LGMN: variants seen among roughly 807,000 people sequenced by gnomAD.
LGMN encodes legumain.
LGMN carries 36 observed loss-of-function variants against 56.8 expected under a neutral mutation model. The observed-to-expected ratio is 0.63, with a 90% CI of 0.49 to 0.84. The LOEUF (loss-of-function observed/expected upper bound fraction) is 0.84. Among genes scored for constraint, LGMN ranks in the 40% least tolerant of loss-of-function variants. The probability of loss-of-function intolerance (pLI) is 0.00; values close to 1 mark genes in which losing one functional copy is unlikely to be tolerated. For synonymous variants in LGMN, 199 were observed against 210.1 expected, an observed-to-expected ratio of 0.95 and a Z score of 0.46; for missense variants, 446 against 556.1, an observed-to-expected ratio of 0.80 and a Z score of 1.99.
chr14:92,737,381 A>G (rs112585286), intron 1 of LGMN, among the ~76,000 whole-genome samples: 2,855 of 152,220 alleles, frequency 0.019, 73 homozygotes, highest in African/African-American at 0.062. Context: ...AGACCAAAGC[A>G]TGCCCAATAC....
In LGMN at chr14:92,714,750, G is replaced by GA. The variant is rs1889978915; in HGVS notation, c.405-300_405-299insT. Among the ~76,000 whole-genome samples the GA allele has an allele frequency of 6.6e-6, 1 of 152,070 alleles. No individual in the cohort carries two copies. Among genetic ancestry groups the GA allele is most frequent in the Non-Finnish European group, 1.5e-5 (1 of 68,020 alleles). ...CAGACCTGGTGTGAGGTGGATAGTG[G>GA]GGTCCTTTGGCAATTGGGCCTCATC... is the stretch of plus-strand genomic sequence containing the variant. On this transcript the variant is annotated intron_variant, in intron 5 of 13. Coordinates refer to ENST00000334869, the MANE Select transcript of LGMN (RefSeq NM_005606.7). This position sits in a 1 kb window ranked among gnomAD's most constrained non-coding sequence, Gnocchi z 5.1.
intron 9 of LGMN, 21 bp from the exon 10 acceptor site, chr14:92,711,769 A>T (rs1194204852): frequency 6.2e-7 from 1 of 1,613,028 alleles, no homozygotes; most frequent in Non-Finnish European, 8.5e-7. Context: ...TGAGACCATT[A>T]GAGACCTTTG....
chr14:92,733,475 A>G (rs537485712), intron 1 of LGMN, among the ~76,000 whole-genome samples: 140 of 152,352 alleles, frequency 9.2e-4, no homozygotes, highest in African/African-American at 3.2e-3. Flanking sequence ...CATATCTACC[A>G]CATACTATGA....
chr14:92,704,122 G>A lies in LGMN; in HGVS notation c.*197C>T, dbSNP rs1182102610. ...AGAGCTTTTCCCACCCTAATTTGTA[G>A]TTTTTCAGAAAAGACTGGGGAAGCA... On this transcript the variant is annotated 3_prime_UTR_variant, in exon 14 of 14. Coordinates refer to ENST00000334869, the MANE Select transcript of LGMN (RefSeq NM_005606.7). 1 of 727,902 alleles carries A rather than the reference G, an allele frequency of 1.4e-6. No homozygotes were observed. Among genetic ancestry groups the A allele is most frequent in the East Asian group, 2.7e-5 (1 of 37,394 alleles). 45.1% of individuals were successfully genotyped at this position (727,902 alleles called of 1,614,324 possible).
At position 92,712,827 on chromosome 14, in the gene LGMN, G is replaced by T. The variant is rs755811130; in HGVS notation, c.588C>A (p.Asn196Lys). ...IEACESGSMM[N>K]HLPDNINVYA... ...TACCATTGATGTTATCCGGCAGGTGGTTCATCATGGACCCAGACTCACAGG... is the reference window on the plus strand; with the variant it reads ...TACCATTGATGTTATCCGGCAGGTGTTTCATCATGGACCCAGACTCACAGG... The change falls in exon 8 of 14, where the codon AAC becomes AAA. Residue 196 changes from asparagine (N) to lysine (K), a missense_variant. Asn to Lys is a moderately conservative substitution (Grantham distance 94). Coordinates refer to ENST00000334869, the MANE Select transcript of LGMN (RefSeq NM_005606.7). The T allele has an allele frequency of 1.2e-6, 2 of 1,613,958 alleles. No individual in the cohort carries two copies. Among genetic ancestry groups the T allele is most frequent in the Admixed American group, 3.3e-5 (2 of 60,006 alleles).
intron 11 of LGMN, among the ~76,000 whole-genome samples, chr14:92,708,856 C>CAAA (rs58813848): frequency 9.8e-5 from 7 of 71,626 alleles, no homozygotes; most frequent in Non-Finnish European, 1.1e-4. Context: ...ACTCTTGTCT[C>CAAA]AAAAAAAAAA....
In LGMN at chr14:92,719,308, GCCA is replaced by G. The variant is rs1159668902; in HGVS notation, c.139-467_139-465del. The stretch of plus-strand genomic sequence containing the variant: ...CGCCGCCGCCGCCGCCGCCACCGCC[GCCA>G]CCGCCGCCGCCGCCACCGCCACCGC... On this transcript the variant is annotated intron_variant, in intron 2 of 13. Coordinates refer to ENST00000334869, the MANE Select transcript of LGMN (RefSeq NM_005606.7). Among the ~76,000 whole-genome samples the G allele has an allele frequency of 5.3e-3, 142 of 26,766 alleles. 6 individuals are homozygous for G. The East Asian group carries it at 0.06, about 11-fold the overall frequency. 17.6% of individuals were successfully genotyped at this position (26,766 alleles called of 152,430 possible). A position where few individuals can be genotyped will look rare whatever the true frequency, so the allele number is the denominator to read the frequency against.
chr14:92,744,350 C>T (rs2140285038), intron 1 of LGMN, among the ~76,000 whole-genome samples: 1 of 152,192 alleles, frequency 6.6e-6, no homozygotes, highest in African/African-American at 2.4e-5. Flanking sequence ...GCAAATAATT[C>T]TAGTCTAGAC....
chr14:92,720,621 A>T (rs1328024071), intron 2 of LGMN, among the ~76,000 whole-genome samples: 1 of 152,224 alleles, frequency 6.6e-6, no homozygotes, highest in Non-Finnish European at 1.5e-5. Flanking sequence ...GAGCCGAGAT[A>T]GCACCATTGC....
intron 1 of LGMN, chr14:92,741,419 C>A (rs1341810565): frequency 6.6e-6 from 1 of 152,206 alleles, no homozygotes; most frequent in Non-Finnish European, 1.5e-5. Context: ...CCCCTCAGTG[C>A]CAGCTACTGG....
Position 92,713,903 on chromosome 14 carries a change from T to G in LGMN, c.481-18A>C, listed in dbSNP as rs1450255734. On this transcript the variant is annotated intron_variant, in intron 6 of 13. Transcript: ENST00000334869. ...ACATGAAGCTGAAAGGTGAGAATAT[T>G]GTCAGACCAACACATCAAGAGAAAC... 6.3e-7 allele frequency: 1 copy of G among 1,589,970 alleles called. No homozygotes were observed. The highest frequency in any genetic ancestry group is 8.6e-7 in the Non-Finnish European group (1 of 1,157,962).
chr14:92,735,941 C>G (rs1009930569), intron 1 of LGMN, among the ~76,000 whole-genome samples: 1 of 152,094 alleles, frequency 6.6e-6, no homozygotes, highest in Non-Finnish European at 1.5e-5. Context: ...CTCGACCTGA[C>G]AAGGGCTCGC....
chr14:92,742,617 G>A (rs575238332), intron 1 of LGMN, among the ~76,000 whole-genome samples: 13 of 152,216 alleles, frequency 8.5e-5, no homozygotes, highest in African/African-American at 2.9e-4. Flanking sequence ...ATACCCATGC[G>A]TGGCACACTG....
chr14:92,726,107 G>A lies in LGMN; in HGVS notation c.138+6542C>T, dbSNP rs548549183. On this transcript the variant is annotated intron_variant, in intron 2 of 13. Transcript: ENST00000334869. ...CAAAAATTAGCCGGGCGTGGTGGCA[G>A]GTGCCTGTAATCCCAGCTATTCGGG... Among the ~76,000 whole-genome samples the A allele has an allele frequency of 1.3e-3, 202 of 151,518 alleles. 1 individual carries two copies. The highest frequency in any genetic ancestry group is 2.5e-3 in the Non-Finnish European group (168 of 67,862).
Position 92,716,131 on chromosome 14 carries a change from A to G in LGMN, c.404+5T>C, listed in dbSNP as rs1890061111. 1.9e-6 allele frequency: 3 copies of G among 1,598,566 alleles called. No individual in the cohort carries two copies. The Admixed American group carries it at 5.0e-5, about 27-fold the overall frequency. ...AGAAGTGTAGTATCCGTAAACAGAC[A>G]TTACCTCTTCAGGACTTTGCCGGAT... On this transcript the variant is annotated splice_donor_5th_base_variant and intron_variant, in intron 5 of 13. Transcript: ENST00000334869.
intron 7 of LGMN, 34 bp from the exon 8 acceptor site, chr14:92,712,905 A>G (rs775889978): frequency 3.1e-6 from 5 of 1,600,468 alleles, no homozygotes; most frequent in Non-Finnish European, 3.4e-6. Context: ...AGCTCACCCC[A>G]TCCAGGTACG....
intron 3 of LGMN, 95 bp from the exon 4 acceptor site, chr14:92,717,556 G>A (rs544992280): frequency 7.9e-6 from 7 of 886,922 alleles, no homozygotes; most frequent in Middle Eastern, 2.3e-4. Context: ...AATAGTAAAC[G>A]TCTATGTTGG....
chr14:92,719,735 C>A (rs1443192099), intron 2 of LGMN, among the ~76,000 whole-genome samples: 1 of 152,136 alleles, frequency 6.6e-6, no homozygotes, highest in Admixed American at 6.6e-5. Context: ...AAAAATGTTC[C>A]TAATGCAACT....
chr14:92,712,543 A>G (rs2140215412), intron 8 of LGMN, among the ~76,000 whole-genome samples: 1 of 152,354 alleles, frequency 6.6e-6, no homozygotes, highest in South Asian at 2.1e-4. Flanking sequence ...AGGCTAGTCC[A>G]AAGCCCATGT....
Sources: allele counts gnomAD v4.1 joint callset (sites outside exome capture counted in the v4.1 genomes callset), GRCh38; gene constraint gnomAD v4.1.1; non-coding constraint Gnocchi (gnomAD v3.1); transcripts MANE v1.5; gene names NCBI Gene and HGNC (gene_info 2026-07-23, HGNC 2026-07-21).